The following BCAR3 variants were observed in gnomAD, a reference collection of about 807,000 sequenced individuals.
The protein encoded by BCAR3 is breast cancer anti-estrogen resistance protein 3.
In BCAR3, 37 loss-of-function variants were observed where a neutral mutation model predicts 80.1. The ratio of observed to expected loss-of-function variants is 0.46; its 90% CI spans 0.36 to 0.61. The LOEUF (loss-of-function observed/expected upper bound fraction) is 0.61, where lower values mean the gene tolerates loss of function less well. Among genes scored for constraint, BCAR3 ranks in the 20% least tolerant of loss-of-function variants. The pLI, the probability that BCAR3 is intolerant of heterozygous loss-of-function variation, is 0.00. For missense variants in BCAR3, 978 were observed against 1,068.2 expected, an observed-to-expected ratio of 0.92 and a Z score of 1.18; for synonymous variants, 389 against 418.9, an observed-to-expected ratio of 0.93 and a Z score of 0.87.
At chr1:93,565,730 G>A (rs973457074) in intron 11 of BCAR3, among the ~76,000 whole-genome samples, 4 of 152,190 alleles carry the variant, frequency 2.6e-5, no homozygotes, top group Non-Finnish European at 5.9e-5. Flanking sequence ...TTTTGAGGAA[G>A]AAAATGAAAC....
upstream of BCAR3, among the ~76,000 whole-genome samples, chr1:93,686,095 C>T (rs1370164790): frequency 6.6e-6 from 1 of 151,948 alleles, no homozygotes; most frequent in Non-Finnish European, 1.5e-5. Context: ...TTTTAGGAAG[C>T]AAGTAGAATG....
At chr1:93,570,408 T>A (rs1673164440) in intron 9 of BCAR3, among the ~76,000 whole-genome samples, 1 of 152,072 alleles carries the variant, frequency 6.6e-6, no homozygotes. Flanking sequence ...CATACTCAAG[T>A]CCTCCAAGCA....
At chr1:93,621,518 C>T (rs1221893680) in intron 3 of BCAR3, among the ~76,000 whole-genome samples, 1 of 152,146 alleles carries the variant, frequency 6.6e-6, no homozygotes, top group African/African-American at 2.4e-5. Context: ...GAAGTGAGTA[C>T]GGACTGATAA....
At chr1:93,566,445 G>GT (rs1193380419) in intron 11 of BCAR3, among the ~76,000 whole-genome samples, 1 of 152,134 alleles carries the variant, frequency 6.6e-6, no homozygotes, top group Non-Finnish European at 1.5e-5. Context: ...AGGACATCCA[G>GT]TTAGCACGGT....
At chr1:93,633,910 C>T (rs180786667) in intron 3 of BCAR3, among the ~76,000 whole-genome samples, 105 of 152,288 alleles carry the variant, frequency 6.9e-4, no homozygotes, top group Non-Finnish European at 1.3e-3. Context: ...AGGGCGTGAG[C>T]CACCACACCC....
chr1:93,643,057 G>A (rs955491783), intron 2 of BCAR3, among the ~76,000 whole-genome samples: 6 of 151,832 alleles, frequency 4.0e-5, no homozygotes, highest in Non-Finnish European at 7.4e-5. Context: ...GAGAAACCCC[G>A]TCTCTACTAA....
chr1:93,700,095 C>T (rs971864570), intron 3 of BCAR3, among the ~76,000 whole-genome samples: 7 of 152,218 alleles, frequency 4.6e-5, no homozygotes, highest in African/African-American at 1.4e-4. Flanking sequence ...CTTTTTCCTC[C>T]ACCCTGGGGG....
At chr1:93,644,210 C>T (rs1353455131) in intron 2 of BCAR3, among the ~76,000 whole-genome samples, 2 of 152,202 alleles carry the variant, frequency 1.3e-5, no homozygotes, top group Admixed American at 6.5e-5. Context: ...CTTCCAGGCC[C>T]TCCCAATCCT....
chr1:93,738,439 G>A lies in BCAR3; in HGVS notation c.-62-32297C>T, dbSNP rs577496449. On this transcript the variant is annotated intron_variant, in intron 2 of 13. Coordinates refer to the BCAR3 transcript ENST00000370244. ...GCACTCTGAGCCTACCCTGCAGGCC[G>A]GTGATGGAGCTAAGCTTGTGCTCCG... is the stretch of plus-strand genomic sequence containing the variant. Among the ~76,000 whole-genome samples the A allele has an allele frequency of 2.6e-5, 4 of 152,316 alleles. 1 individual carries two copies. Among genetic ancestry groups the A allele is most frequent in the African/African-American group, 9.6e-5 (4 of 41,564 alleles).
At chr1:93,804,330 T>A (rs906552201) in intron 2 of BCAR3, among the ~76,000 whole-genome samples, 1 of 152,216 alleles carries the variant, frequency 6.6e-6, no homozygotes, top group African/African-American at 2.4e-5. Flanking sequence ...ATAGGTATTA[T>A]GCATACCTAT....
intron 4 of BCAR3, among the ~76,000 whole-genome samples, chr1:93,591,876 C>G (rs528688608): frequency 6.6e-6 from 1 of 152,358 alleles, no homozygotes; most frequent in Non-Finnish European, 1.5e-5. Flanking sequence ...AGCTAAGCCA[C>G]TGCCTTGAGA....
intron 4 of BCAR3, among the ~76,000 whole-genome samples, chr1:93,590,597 C>T (rs1056836658): frequency 6.6e-6 from 1 of 152,166 alleles, no homozygotes; most frequent in African/African-American, 2.4e-5. Context: ...TTTTATAATT[C>T]TGACAATTTT....
intron 2 of BCAR3, among the ~76,000 whole-genome samples, chr1:93,733,075 C>T (rs781217927): frequency 6.6e-6 from 1 of 152,130 alleles, no homozygotes; most frequent in African/African-American, 2.4e-5. Context: ...GGTCTTCTAC[C>T]AGAGCAGAAT....
At chr1:93,769,355 ATGTGTG>A (rs59798936) in intron 2 of BCAR3, among the ~76,000 whole-genome samples, 7,471 of 119,794 alleles carry the variant, frequency 0.062, 234 homozygotes, top group African/African-American at 0.082. Flanking sequence ...GTGGGTAGGA[ATGTGTG>A]TGTGTGTGTG....
chr1:93,648,281 T>C (rs1557639088), intron 2 of BCAR3, among the ~76,000 whole-genome samples: 1 of 152,208 alleles, frequency 6.6e-6, no homozygotes, highest in Non-Finnish European at 1.5e-5. Context: ...GTTGTAGTTC[T>C]GCTTTAGTGA....
In BCAR3 at chr1:93,742,084, A is replaced by G. The variant is rs142758232; in HGVS notation, c.-62-35942T>C. Among the ~76,000 whole-genome samples, 508 of 152,316 alleles carry G rather than the reference A, an allele frequency of 3.3e-3. 2 individuals are homozygous for G. The highest frequency in any genetic ancestry group is 0.012 in the African/African-American group (480 of 41,572). ...AGAGTTGTCTGGGTCTGGCATCTCC[A>G]AACAGTGTTCCTCACTCCTAAAATA... is the stretch of plus-strand genomic sequence containing the variant. On this transcript the variant is annotated intron_variant, in intron 2 of 13. Coordinates refer to the BCAR3 transcript ENST00000370244.
At chr1:93,837,675 T>C (rs1202162474) in intron 2 of BCAR3, among the ~76,000 whole-genome samples, 4 of 152,240 alleles carry the variant, frequency 2.6e-5, no homozygotes, top group African/African-American at 7.2e-5. Context: ...TCTCTCCCTT[T>C]AACCAGTCCT....
intron 2 of BCAR3, among the ~76,000 whole-genome samples, chr1:93,806,268 C>G: frequency 6.6e-6 from 1 of 152,164 alleles, no homozygotes; most frequent in East Asian, 1.9e-4. Context: ...GAGCCATACA[C>G]AAAGTATGAG....
chr1:93,643,713 G>A (rs1290993849), intron 2 of BCAR3, among the ~76,000 whole-genome samples: 1 of 152,028 alleles, frequency 6.6e-6, no homozygotes, highest in Non-Finnish European at 1.5e-5. Flanking sequence ...GAGCTCTAAT[G>A]GACAACATGA....
Sources: allele counts gnomAD v4.1 joint callset (sites outside exome capture counted in the v4.1 genomes callset), GRCh38; gene constraint gnomAD v4.1.1; transcripts MANE v1.5; gene names NCBI Gene and HGNC (gene_info 2026-07-23, HGNC 2026-07-21).